Variants in SLC7A14 observed in about 807,000 individuals in gnomAD.
SLC7A14 encodes the protein solute carrier family 7 member 14.
Under a neutral mutation model 60.2 loss-of-function variants are expected in SLC7A14, and 37 were observed. The ratio of observed to expected loss-of-function variants is 0.61; its 90% CI spans 0.47 to 0.81. The LOEUF (loss-of-function observed/expected upper bound fraction) is 0.81, where lower values mean the gene tolerates loss of function less well. Among genes scored for constraint, SLC7A14 ranks in the 30% least tolerant of loss-of-function variants. SLC7A14 has a pLI of 0.00. For missense variants in SLC7A14, 886 were observed against 982.7 expected (o/e 0.90, Z 1.32); for synonymous variants, 399 against 395.8 (o/e 1.01, Z -0.10).
At chr3:170,477,355 T>G (rs1032614444) in intron 7 of SLC7A14, among the ~76,000 whole-genome samples, 2 of 152,344 alleles carry the variant, frequency 1.3e-5, no homozygotes, top group African/African-American at 4.8e-5. Context: ...ATACCACATT[T>G]TTAGTATATA....
At chr3:170,494,370 T>G (rs560096709) in intron 4 of SLC7A14, among the ~76,000 whole-genome samples, 3 of 152,328 alleles carry the variant, frequency 2.0e-5, no homozygotes, top group Middle Eastern at 3.4e-3. Context: ...GGAAAGTTAG[T>G]GAGAACCCAG....
At chr3:170,518,244 C>T (rs1215275462) in intron 2 of SLC7A14, among the ~76,000 whole-genome samples, 1 of 152,220 alleles carries the variant, frequency 6.6e-6, no homozygotes, top group Non-Finnish European at 1.5e-5. Flanking sequence ...CTAGACCCCT[C>T]GTGGTGTTCT....
At chr3:170,472,232 C>A (rs558663996) in intron 7 of SLC7A14, among the ~76,000 whole-genome samples, 2 of 151,178 alleles carry the variant, frequency 1.3e-5, no homozygotes, top group Non-Finnish European at 1.5e-5. Flanking sequence ...TAGCTGGGCA[C>A]GGTGGCGGGC....
At position 170,480,463 on chromosome 3, in the gene SLC7A14, G is replaced by A. The variant is rs761959517; in HGVS notation, c.1819C>T (p.Leu607=). 4 of 1,614,062 alleles carry A rather than the reference G, an allele frequency of 2.5e-6. No homozygotes were observed. The highest frequency in any genetic ancestry group is 3.4e-6 in the Non-Finnish European group (4 of 1,179,940). The change falls in exon 7 of 8, where the codon CTG becomes TTG. Residue 607 remains leucine, a synonymous_variant. Transcript: ENST00000231706. ...AILLVVLMVL[L]ISTLVFVILQ... is the part of the protein sequence containing the mutation. ...ATCACAAACACCAGGGTGCTGATCA[G>A]CAGCACCATCAGAACAACCAGAAGG...
At chr3:170,536,988 G>A (rs1713868088) in intron 1 of SLC7A14, among the ~76,000 whole-genome samples, 1 of 152,190 alleles carries the variant, frequency 6.6e-6, no homozygotes, top group African/African-American at 2.4e-5. Flanking sequence ...TTACACTCAA[G>A]ACAGAACACT....
chr3:170,510,828 A>C (rs1712957634), intron 2 of SLC7A14, among the ~76,000 whole-genome samples: 1 of 152,208 alleles, frequency 6.6e-6, no homozygotes, highest in Non-Finnish European at 1.5e-5. Flanking sequence ...CCTTGGAAGG[A>C]AAAAGTCACT....
intron 3 of SLC7A14, 26 bp downstream of exon 3, chr3:170,501,083 A>C (rs762935801): frequency 1.2e-6 from 2 of 1,607,160 alleles, no homozygotes; most frequent in African/African-American, 2.7e-5. Flanking sequence ...TTGCATGTTG[A>C]GGGTAGGAGG....
At position 170,496,106 on chromosome 3, in the gene SLC7A14, G is replaced by C. The variant is rs949421850; in HGVS notation, c.759+2561C>G. On this transcript the variant is annotated intron_variant, in intron 4 of 7. Coordinates refer to ENST00000231706, the MANE Select transcript of SLC7A14 (RefSeq NM_020949.3). The stretch of plus-strand genomic sequence containing the variant: ...TGACTGACGAGATCAACTTCCTCAG[G>C]CAACTGCATGAAGAGGAGATCCAGG... 12 of 1,112,250 alleles carry C rather than the reference G, an allele frequency of 1.1e-5. No homozygotes were observed. In the African/African-American group the frequency reaches 1.8e-4, roughly 17 times the overall value. 68.9% of individuals were successfully genotyped at this position (1,112,250 alleles called of 1,614,324 possible).
chr3:170,550,347 T>A (rs771513089), intron 1 of SLC7A14, among the ~76,000 whole-genome samples: 1 of 152,066 alleles, frequency 6.6e-6, no homozygotes, highest in Non-Finnish European at 1.5e-5. Context: ...TACTTAAACT[T>A]GCATCTATGC....
intron 7 of SLC7A14, among the ~76,000 whole-genome samples, chr3:170,470,697 G>T (rs762904799): frequency 1.0e-4 from 15 of 145,292 alleles, no homozygotes; most frequent in Non-Finnish European, 2.1e-4. Flanking sequence ...AATGGAGGGG[G>T]ACAAAGAAAC....
In SLC7A14 at chr3:170,532,590, G is replaced by A. The variant is rs1335280149; in HGVS notation, c.-152-5502C>T. 6.6e-6 allele frequency among the ~76,000 whole-genome samples: 1 copy of A among 151,852 alleles called. No homozygotes were observed. The highest frequency in any genetic ancestry group is 2.4e-5 in the African/African-American group (1 of 41,316). On this transcript the variant is annotated intron_variant, in intron 1 of 7. Coordinates refer to ENST00000231706, the MANE Select transcript of SLC7A14 (RefSeq NM_020949.3). The surrounding 1 kb of genome is among the most constrained non-coding windows in gnomAD (Gnocchi z 4.0). ...GAGTGGAAGAGCTAATACGTGTAGA[G>A]CTTTTAGTACCGCGCCTGGCGTATA...
At chr3:170,500,877 T>C (rs1464136265) in intron 3 of SLC7A14, among the ~76,000 whole-genome samples, 2 of 152,248 alleles carry the variant, frequency 1.3e-5, no homozygotes, top group Non-Finnish European at 2.9e-5. Context: ...TAACTTTTTG[T>C]TATTGTAAAT....
intron 1 of SLC7A14, among the ~76,000 whole-genome samples, chr3:170,537,965 C>T (rs887610509): frequency 6.6e-6 from 1 of 151,978 alleles, no homozygotes; most frequent in African/African-American, 2.4e-5. Context: ...TTTTTTCTTG[C>T]AGGATTTGAG....
chr3:170,571,976 A>C (rs1714967214), intron 1 of SLC7A14, among the ~76,000 whole-genome samples: 1 of 149,856 alleles, frequency 6.7e-6, no homozygotes, highest in African/African-American at 2.4e-5. Context: ...CAGGAGAATC[A>C]CTTGAGCCCA....
intron 1 of SLC7A14, among the ~76,000 whole-genome samples, chr3:170,543,599 C>T (rs1397409534): frequency 1.3e-5 from 2 of 151,704 alleles, no homozygotes; most frequent in Non-Finnish European, 2.9e-5. Context: ...GCCGAGATCG[C>T]CCCATTGCAC....
Position 170,466,080 on chromosome 3 carries a change from T to C in SLC7A14, c.*975A>G, listed in dbSNP as rs556483360. 7.2e-5 allele frequency: 11 copies of C among 152,340 alleles called. No individual in the cohort carries two copies. In the South Asian group the frequency reaches 1.7e-3, roughly 23 times the overall value. The allele number at this position is 152,340 out of a possible 1,614,324, so 9.4% of individuals were successfully genotyped here. A position where few individuals can be genotyped will look rare whatever the true frequency, so the allele number is the denominator to read the frequency against. Reference sequence around the variant, plus strand: ...AGAGTAGCACACACCAATCAAGTGGTTGCCTATCTCAAAAACTTTAGAATT... The same window carrying C: ...AGAGTAGCACACACCAATCAAGTGGCTGCCTATCTCAAAAACTTTAGAATT... On this transcript the variant is annotated 3_prime_UTR_variant, in exon 8 of 8. Transcript: ENST00000231706.
At chr3:170,511,314 T>C (rs1212517545) in intron 2 of SLC7A14, among the ~76,000 whole-genome samples, 1 of 151,984 alleles carries the variant, frequency 6.6e-6, no homozygotes, top group Non-Finnish European at 1.5e-5. Context: ...GTAGAATCGC[T>C]TGAACCTGGG....
chr3:170,572,078 A>AAAG (rs1553875361), intron 1 of SLC7A14, among the ~76,000 whole-genome samples: 9 of 149,930 alleles, frequency 6.0e-5, no homozygotes, highest in Middle Eastern at 3.4e-3. Flanking sequence ...AAAAAAAAAA[A>AAAG]AAAGAAAGAA....
chr3:170,482,381 G>C (rs551128412), intron 6 of SLC7A14, among the ~76,000 whole-genome samples: 85 of 152,334 alleles, frequency 5.6e-4, no homozygotes, highest in African/African-American at 1.8e-3. Context: ...CTCTGATCTG[G>C]TGATGGCTTC....
Sources: gnomAD v4.1 joint callset for allele counts (sites outside exome capture counted in the v4.1 genomes callset) on GRCh38, gnomAD v4.1.1 for gene constraint, Gnocchi (gnomAD v3.1) non-coding constraint, MANE v1.5 for transcripts, NCBI Gene and HGNC (gene_info 2026-07-23, HGNC 2026-07-21) for gene names.